Variants in STARD13 observed in about 807,000 individuals in gnomAD.
STARD13 encodes StAR related lipid transfer domain containing 13, also known as stAR-related lipid transfer protein 13.
Under a neutral mutation model 106.4 loss-of-function variants are expected in STARD13, and 62 were observed. That is an observed-to-expected ratio of 0.58 (90% CI 0.48 to 0.72). The LOEUF is 0.72. Ranked by LOEUF, STARD13 falls within the 30% of genes least tolerant of loss-of-function variation. The pLI is 0.00. For missense variants in STARD13, 1,387 were observed against 1,424.0 expected (o/e 0.97, Z 0.42); for synonymous variants, 565 against 553.0 (o/e 1.02, Z -0.31).
At chr13:33,295,859 CATAA>C (rs1892470839) in intron 1 of STARD13, among the ~76,000 whole-genome samples, 2 of 152,158 alleles carry the variant, frequency 1.3e-5, no homozygotes, top group African/African-American at 4.8e-5. Context: ...AAAAAAACTG[CATAA>C]ATACTTTCCT....
chr13:33,400,673 C>T, the STARD13 span, among the ~76,000 whole-genome samples: 2 of 152,074 alleles, frequency 1.3e-5, no homozygotes, highest in Non-Finnish European at 2.9e-5. Context: ...CTGTGTTAGC[C>T]AGGATGGTCT....
chr13:33,668,138 G>A, the STARD13 span, among the ~76,000 whole-genome samples: 8 of 152,274 alleles, frequency 5.3e-5, no homozygotes, highest in South Asian at 2.1e-4. Context: ...TGCCCAATTC[G>A]GGGATCATTC....
chr13:33,220,236 CA>C (rs149146857), intron 1 of STARD13, among the ~76,000 whole-genome samples: 9,875 of 152,146 alleles, frequency 0.065, 364 homozygotes, highest in Middle Eastern at 0.14. Context: ...AAACTTTACA[CA>C]ATAATAAGGG....
the STARD13 span, among the ~76,000 whole-genome samples, chr13:33,402,655 AAGCAGATG>A: frequency 1.3e-5 from 2 of 152,342 alleles, no homozygotes; most frequent in Non-Finnish European, 2.9e-5. Context: ...CAGGCTCCAG[AAGCAGATG>A]AGCAGATGAG....
intron 1 of STARD13, among the ~76,000 whole-genome samples, chr13:33,291,897 C>T (rs946470265): frequency 5.3e-5 from 8 of 152,216 alleles, no homozygotes; most frequent in Non-Finnish European, 7.4e-5. Flanking sequence ...GTTCTCTATT[C>T]TTTACTTACC....
chr13:33,466,153 C>T, the STARD13 span, among the ~76,000 whole-genome samples: 2 of 152,116 alleles, frequency 1.3e-5, no homozygotes, highest in African/African-American at 2.4e-5. Flanking sequence ...TTAAACAGTG[C>T]TCAGTATATC....
rs1228951012 is a variant in STARD13 at position 33,285,552 on chromosome 13, T to C, written c.87A>G (p.Arg29=). ...MTPEGQEMYL[R]FDQTTRRSPY... ...GAGAGCGTCTTGTAGTCTGATCAAA[T>C]CGCAAGTACATCTCCTGGCCCTCAG... Residue 29 remains arginine (R), a synonymous_variant, in exon 1 of 14, where the codon CGA becomes CGG. Transcript: ENST00000336934. 5.0e-6 allele frequency: 8 copies of C among 1,613,890 alleles called. No homozygotes were observed. Among genetic ancestry groups the C allele is most frequent in the South Asian group, 1.1e-5 (1 of 91,080 alleles).
At chr13:33,659,494 G>A in the STARD13 span, among the ~76,000 whole-genome samples, 8 of 152,196 alleles carry the variant, frequency 5.3e-5, no homozygotes, top group Non-Finnish European at 1.0e-4. Context: ...GATTACAGGT[G>A]TGAGCCACTG....
At chr13:33,442,055 T>C in the STARD13 span, among the ~76,000 whole-genome samples, 1 of 152,238 alleles carries the variant, frequency 6.6e-6, no homozygotes, top group Non-Finnish European at 1.5e-5. Context: ...TAATGACTAT[T>C]TGACCTGGAA....
chr13:33,344,705 A>G (rs1358609879), downstream of STARD13, among the ~76,000 whole-genome samples: 2 of 152,202 alleles, frequency 1.3e-5, no homozygotes, highest in Non-Finnish European at 2.9e-5. Flanking sequence ...AAGTCAGAAT[A>G]TTTTTGGCAG....
chr13:33,491,641 AT>A, the STARD13 span, among the ~76,000 whole-genome samples: 1 of 152,342 alleles, frequency 6.6e-6, no homozygotes, highest in Non-Finnish European at 1.5e-5. Context: ...TCATAAAAAA[AT>A]GGTTTATAAA....
chr13:33,406,192 A>G, the STARD13 span, among the ~76,000 whole-genome samples: 1 of 152,202 alleles, frequency 6.6e-6, no homozygotes, highest in African/African-American at 2.4e-5. Context: ...TTGAAATACT[A>G]CCTAAGGCTA....
At chr13:33,627,213 T>C in the STARD13 span, among the ~76,000 whole-genome samples, 2 of 152,272 alleles carry the variant, frequency 1.3e-5, no homozygotes, top group African/African-American at 4.8e-5. Context: ...ATCTATTCTT[T>C]CATTAGCAAA....
the STARD13 span, among the ~76,000 whole-genome samples, chr13:33,438,607 G>T: frequency 1.3e-5 from 2 of 152,090 alleles, no homozygotes; most frequent in Non-Finnish European, 2.9e-5. Context: ...TGATAGGTTC[G>T]GCACACTCAC....
intron 3 of STARD13, among the ~76,000 whole-genome samples, chr13:33,151,876 G>A (rs959521428): frequency 6.6e-6 from 1 of 152,156 alleles, no homozygotes; most frequent in Non-Finnish European, 1.5e-5. Context: ...TGAAGACAGA[G>A]ACTCGGCCAT....
At chr13:33,635,073 A>G in the STARD13 span, among the ~76,000 whole-genome samples, 1 of 152,206 alleles carries the variant, frequency 6.6e-6, no homozygotes, top group East Asian at 1.9e-4. Flanking sequence ...TAAAGAACCA[A>G]ACAAAGTGGA....
the STARD13 span, among the ~76,000 whole-genome samples, chr13:33,415,231 G>A: frequency 2.0e-5 from 3 of 152,182 alleles, no homozygotes; most frequent in Non-Finnish European, 2.9e-5. Flanking sequence ...AGCCGGGCGT[G>A]GTGGCGGGCG....
At chr13:33,301,865 G>A (rs925524215) in intron 1 of STARD13, among the ~76,000 whole-genome samples, 1 of 127,006 alleles carries the variant, frequency 7.9e-6, no homozygotes, top group Non-Finnish European at 1.8e-5. Context: ...ACCGCGCCCG[G>A]CCTCCACCTT....
At chr13:33,661,212 G>A in the STARD13 span, 2 of 152,188 alleles carry the variant, frequency 1.3e-5, no homozygotes, top group African/African-American at 4.8e-5. Context: ...GTGATATGGA[G>A]TGACCTAAAC....
Sources: gnomAD v4.1 joint callset for allele counts (sites outside exome capture counted in the v4.1 genomes callset) on GRCh38, gnomAD v4.1.1 for gene constraint, MANE v1.5 for transcripts, NCBI Gene and HGNC (gene_info 2026-07-23, HGNC 2026-07-21) for gene names.